Variants in PMM2 observed in about 807,000 individuals in gnomAD.
PMM2 encodes phosphomannomutase 2, also known as mannose-6-phosphate isomerase.
PMM2 carries 35 observed loss-of-function variants against 33.2 expected under a neutral mutation model. The ratio of observed to expected loss-of-function variants is 1.06; its 90% confidence interval spans 0.81 to 1.40. PMM2 has a LOEUF of 1.40. PMM2 is among the 40% of genes most tolerant of loss of function. PMM2 has a pLI of 0.00. For synonymous variants in PMM2, 153 were observed against 114.7 expected (o/e 1.33, Z -2.13); for missense variants, 386 against 306.0 (o/e 1.26, Z -1.95).
At chr16:8,827,876 TTATATAATATATGA>T (rs2060784399) in intron 7 of PMM2, among the ~76,000 whole-genome samples, 1 of 89,202 alleles carries the variant, frequency 1.1e-5, no homozygotes, top group African/African-American at 4.1e-5. Flanking sequence ...TATATATATG[TTATATAATATATGA>T]TATATATGAT....
chr16:8,845,821 G>T (rs983422542), intron 7 of PMM2, among the ~76,000 whole-genome samples: 1 of 143,662 alleles, frequency 7.0e-6, no homozygotes, highest in Non-Finnish European at 1.5e-5. Context: ...TTAATTAGAA[G>T]AATTACTGGA....
At chr16:8,832,222 G>T (rs987084587) in intron 7 of PMM2, 2 of 985,282 alleles carry the variant, frequency 2.0e-6, no homozygotes, top group Admixed American at 6.1e-5. Flanking sequence ...GACCCTTGGC[G>T]GGAGAGAAAG....
At chr16:8,827,720 A>G (rs1376772001) in intron 7 of PMM2, among the ~76,000 whole-genome samples, 3 of 2,436 alleles carry the variant, frequency 1.2e-3, no homozygotes, top group African/African-American at 3.8e-3. Context: ...AAATGTGTGC[A>G]TATATATATA....
In PMM2 at chr16:8,806,324, A is replaced by G. The variant is rs376597290; in HGVS notation, c.264A>G (p.Gln88=). 2.8e-5 allele frequency: 45 copies of G among 1,600,542 alleles called. No individual in the cohort carries two copies. The highest frequency in any genetic ancestry group is 1.1e-4 in the African/African-American group (8 of 74,678). ...DGKLLCRQNI[Q]SHLGEALIQD... ...GTATTTTCTTCATCTAGAATATTCA[A>G]AGTCATCTGGGTGAGGCCCTAATCC... Residue 88 remains glutamine, a synonymous_variant, in exon 4 of 8, where the codon CAA becomes CAG. Coordinates refer to ENST00000268261, the MANE Select transcript of PMM2 (RefSeq NM_000303.3).
intron 7 of PMM2, among the ~76,000 whole-genome samples, chr16:8,830,289 C>T (rs1385617094): frequency 6.6e-6 from 1 of 152,172 alleles, no homozygotes; most frequent in Non-Finnish European, 1.5e-5. Flanking sequence ...AAATTTGTAA[C>T]CCCCTCCACA....
At chr16:8,832,173 G>A in intron 7 of PMM2, 1 of 985,450 alleles carries the variant, frequency 1.0e-6, no homozygotes. Context: ...ACCCCAGGAA[G>A]GAGCCCACCA....
chr16:8,837,636 G>T (rs115208587), intron 7 of PMM2, among the ~76,000 whole-genome samples: 8 of 151,722 alleles, frequency 5.3e-5, no homozygotes, highest in Admixed American at 1.3e-4. Context: ...GGATCGGGGC[G>T]CAGAGATACA....
chr16:8,828,092 G>C (rs1331633102), intron 7 of PMM2, among the ~76,000 whole-genome samples: 1 of 126,786 alleles, frequency 7.9e-6, no homozygotes, highest in Non-Finnish European at 1.6e-5. Context: ...AGCCAGGATA[G>C]ACAGCCAGTA....
At chr16:8,815,981 A>G (rs1409065401) in intron 7 of PMM2, among the ~76,000 whole-genome samples, 4 of 152,192 alleles carry the variant, frequency 2.6e-5, no homozygotes, top group Non-Finnish European at 5.9e-5. Context: ...AATTTAAAAC[A>G]TGAGCAAAGG....
At chr16:8,814,196 G>A (rs919759729) in intron 7 of PMM2, among the ~76,000 whole-genome samples, 11 of 152,014 alleles carry the variant, frequency 7.2e-5, no homozygotes. Flanking sequence ...GGCTGGTCTT[G>A]ATTCCTGGCC....
At chr16:8,804,031 G>GTGTTTTT (rs2060631526) in intron 2 of PMM2, among the ~76,000 whole-genome samples, 1 of 87,492 alleles carries the variant, frequency 1.1e-5, no homozygotes, top group African/African-American at 4.6e-5. Flanking sequence ...GGTTTTTTTT[G>GTGTTTTT]TTTTTTTTTT....
intron 7 of PMM2, among the ~76,000 whole-genome samples, chr16:8,829,968 C>A (rs1351984322): frequency 6.6e-6 from 1 of 152,222 alleles, no homozygotes; most frequent in Non-Finnish European, 1.5e-5. Flanking sequence ...CAAACAGATA[C>A]CACCTAATAG....
intron 1 of PMM2, among the ~76,000 whole-genome samples, chr16:8,800,663 TC>T (rs1258099780): frequency 1.8e-5 from 1 of 56,010 alleles, no homozygotes; most frequent in Non-Finnish European, 3.8e-5. Context: ...TCTAAGCTTC[TC>T]CTTTTTTTTT....
At chr16:8,818,364 G>T (rs79550318) in intron 7 of PMM2, among the ~76,000 whole-genome samples, 283 of 152,248 alleles carry the variant, frequency 1.9e-3, no homozygotes, top group East Asian at 0.014. Flanking sequence ...GATCCTTTTC[G>T]TCAGCGGTTT....
chr16:8,819,106 A>G (rs1276127716), intron 7 of PMM2, among the ~76,000 whole-genome samples: 1 of 152,204 alleles, frequency 6.6e-6, no homozygotes, highest in African/African-American at 2.4e-5. Context: ...TGACGCTTCC[A>G]TTTTGGGTAA....
At chr16:8,814,526 C>T (rs565703659) in intron 7 of PMM2, among the ~76,000 whole-genome samples, 1 of 152,210 alleles carries the variant, frequency 6.6e-6, no homozygotes, top group African/African-American at 2.4e-5. Flanking sequence ...TCAGCAGGGT[C>T]CCCACGTCAC....
chr16:8,836,427 C>T (rs949990031), intron 7 of PMM2, among the ~76,000 whole-genome samples: 32 of 152,044 alleles, frequency 2.1e-4, no homozygotes, highest in Non-Finnish European at 3.8e-4. Flanking sequence ...GGAGGAATCC[C>T]GGGCTGTGGG....
chr16:8,842,833 A>G (rs1227059664), intron 7 of PMM2, among the ~76,000 whole-genome samples: 1 of 152,068 alleles, frequency 6.6e-6, no homozygotes, highest in Admixed American at 6.6e-5. Context: ...GTGGGATGGG[A>G]TATTGGCGTT....
At position 8,806,449 on chromosome 16, in the gene PMM2, G is replaced by A. The variant is rs374076809; in HGVS notation, c.347+42G>A. ...CAAAGAGGCGTCACAGGAACATAGC[G>A]TAGTGTCACATGGTGGGCTAATGTG... On this transcript the variant is annotated intron_variant, in intron 4 of 7. Coordinates refer to ENST00000268261, the MANE Select transcript of PMM2 (RefSeq NM_000303.3). 2.6e-4 allele frequency: 308 copies of A among 1,194,292 alleles called. 3 individuals carry two copies. In the South Asian group the frequency reaches 2.7e-3, roughly 10 times the overall value. The allele number at this position is 1,194,292 out of a possible 1,614,324, so 74.0% of individuals were successfully genotyped here.
Sources: gnomAD v4.1 joint callset for allele counts (sites outside exome capture counted in the v4.1 genomes callset) on GRCh38, gnomAD v4.1.1 for gene constraint, MANE v1.5 for transcripts, NCBI Gene and HGNC (gene_info 2026-07-23, HGNC 2026-07-21) for gene names.